Variants in ERBB4 observed in about 807,000 individuals in gnomAD.
The protein encoded by ERBB4 is receptor tyrosine-protein kinase erbB-4.
Under a neutral mutation model 158.0 loss-of-function variants are expected in ERBB4, and 42 were observed. That is an observed-to-expected ratio of 0.27 (90% CI 0.21 to 0.34). The LOEUF (loss-of-function observed/expected upper bound fraction) is 0.34, where lower values mean the gene tolerates loss of function less well. ERBB4 is among the 10% of genes least tolerant of loss of function. The pLI, the probability that ERBB4 is intolerant of heterozygous loss-of-function variation, is 1.00. For synonymous variants in ERBB4, 583 were observed against 558.7 expected (o/e 1.04, Z -0.61); for missense variants, 1,333 against 1,624.1 (o/e 0.82, Z 3.08).
At chr2:212,444,356 G>A (rs1345089113) in intron 1 of ERBB4, among the ~76,000 whole-genome samples, 1 of 152,180 alleles carries the variant, frequency 6.6e-6, no homozygotes, top group Non-Finnish European at 1.5e-5. Flanking sequence ...CATGGGAGGA[G>A]AAATGGCCAG....
At chr2:211,831,234 GTGGCTAC>G (rs2077212115) in intron 3 of ERBB4, among the ~76,000 whole-genome samples, 1 of 152,114 alleles carries the variant, frequency 6.6e-6, no homozygotes, top group African/African-American at 2.4e-5. Flanking sequence ...TCAGAGTTAA[GTGGCTAC>G]TGGGACAACA....
chr2:212,491,913 CTGTCA>C (rs565220942), intron 1 of ERBB4, among the ~76,000 whole-genome samples: 17 of 151,592 alleles, frequency 1.1e-4, no homozygotes, highest in African/African-American at 3.6e-4. Flanking sequence ...AATACCCTCC[CTGTCA>C]TAAGAACAGA....
chr2:211,395,757 A>AGG (rs921018438), intron 25 of ERBB4, among the ~76,000 whole-genome samples: 24 of 152,090 alleles, frequency 1.6e-4, no homozygotes, highest in Admixed American at 1.3e-4. Context: ...TCTACAAAAC[A>AGG]GGTTGCCCTT....
At chr2:211,511,928 G>T (rs2065894314) in intron 20 of ERBB4, among the ~76,000 whole-genome samples, 1 of 152,012 alleles carries the variant, frequency 6.6e-6, no homozygotes, top group Non-Finnish European at 1.5e-5. Flanking sequence ...GAACAATAAG[G>T]TCTAAATTCC....
At chr2:211,651,055 G>C (rs1432364940) in intron 16 of ERBB4, among the ~76,000 whole-genome samples, 1 of 152,070 alleles carries the variant, frequency 6.6e-6, no homozygotes, top group African/African-American at 2.4e-5. Flanking sequence ...ATTAACCAGG[G>C]AGTACTTTAA....
At chr2:212,037,960 A>G (rs1316134669) in intron 2 of ERBB4, among the ~76,000 whole-genome samples, 1 of 152,178 alleles carries the variant, frequency 6.6e-6, no homozygotes, top group Non-Finnish European at 1.5e-5. Flanking sequence ...TGAAAAAATT[A>G]GCCGTTGTAT....
chr2:211,420,488 T>A lies in ERBB4; in HGVS notation c.3088A>T (p.Ile1030Phe), dbSNP rs1197412002. 2 of 1,612,714 alleles carry A rather than the reference T, an allele frequency of 1.2e-6. No homozygotes were observed. The highest frequency in any genetic ancestry group is 1.7e-6 in the Non-Finnish European group (2 of 1,179,124). ...CTGGAAGTATAGATGGGAGGTGGGA[T>A]GTTGAAAGCCTGAGGGACCAAGTAC... ...EEYLVPQAFN[I>F]PPPIYTSRAR... Residue 1030 changes from isoleucine (I) to phenylalanine (F), a missense_variant, in exon 25 of 28, where the codon ATC becomes TTC. Coordinates refer to ENST00000342788, the MANE Select transcript of ERBB4 (RefSeq NM_005235.3).
At chr2:211,996,850 T>A (rs1359022255) in intron 2 of ERBB4, among the ~76,000 whole-genome samples, 1 of 152,160 alleles carries the variant, frequency 6.6e-6, no homozygotes, top group Non-Finnish European at 1.5e-5. Flanking sequence ...TTTTAATCAG[T>A]CACTACATGA....
intron 3 of ERBB4, among the ~76,000 whole-genome samples, chr2:211,910,572 T>C (rs951200377): frequency 6.6e-6 from 1 of 151,778 alleles, no homozygotes; most frequent in Non-Finnish European, 1.5e-5. Flanking sequence ...TGGGGTCTTT[T>C]GCAGGGTGGA....
intron 3 of ERBB4, among the ~76,000 whole-genome samples, chr2:211,802,971 GATA>G: frequency 6.6e-6 from 1 of 152,214 alleles, no homozygotes; most frequent in East Asian, 1.9e-4. Context: ...TTACAGCTAG[GATA>G]ATAAGATGCG....
At chr2:211,963,004 T>C (rs1041994787) in intron 2 of ERBB4, among the ~76,000 whole-genome samples, 1 of 152,284 alleles carries the variant, frequency 6.6e-6, no homozygotes. Context: ...TACATGTACC[T>C]AATATGTTTT....
chr2:212,460,235 C>A (rs1234700829), intron 1 of ERBB4, among the ~76,000 whole-genome samples: 1 of 152,084 alleles, frequency 6.6e-6, no homozygotes, highest in East Asian at 1.9e-4. Flanking sequence ...TCAGGTATGT[C>A]TTTATTAGCA....
intron 1 of ERBB4, among the ~76,000 whole-genome samples, chr2:212,370,218 A>C (rs1369935991): frequency 6.6e-6 from 1 of 152,080 alleles, no homozygotes; most frequent in African/African-American, 2.4e-5. Context: ...TTCCCCCTTC[A>C]CTCAGAATTC....
chr2:211,434,496 C>T lies in ERBB4; in HGVS notation c.2488-3396G>A, dbSNP rs189052492. Among the ~76,000 whole-genome samples, 479 of 152,264 alleles carry T rather than the reference C, an allele frequency of 3.1e-3. 1 individual carries two copies. The highest frequency in any genetic ancestry group is 4.0e-3 in the Non-Finnish European group (275 of 68,030). ...CAACTAGACACTAAATTTTCTTGCACCATTATCTGGGACTTCCCAGTCTCC... is the reference window on the plus strand; with the variant it reads ...CAACTAGACACTAAATTTTCTTGCATCATTATCTGGGACTTCCCAGTCTCC... On this transcript the variant is annotated intron_variant, in intron 20 of 27. Transcript: ENST00000342788.
At chr2:212,398,102 A>ATGTG (rs143581724) in intron 1 of ERBB4, among the ~76,000 whole-genome samples, 6 of 149,680 alleles carry the variant, frequency 4.0e-5, no homozygotes, top group Non-Finnish European at 8.9e-5. Context: ...ATACATATAT[A>ATGTG]TGTGTGTGTG....
At chr2:211,478,526 G>T (rs2065010832) in intron 20 of ERBB4, among the ~76,000 whole-genome samples, 1 of 152,070 alleles carries the variant, frequency 6.6e-6, no homozygotes, top group South Asian at 2.1e-4. Flanking sequence ...CAGAAGTAAA[G>T]TCATTTCCCT....
intron 3 of ERBB4, among the ~76,000 whole-genome samples, chr2:211,946,315 T>C (rs2080688819): frequency 6.6e-6 from 1 of 152,064 alleles, no homozygotes; most frequent in Admixed American, 6.6e-5. Flanking sequence ...AGAAATTTAA[T>C]ATCCACTTCA....
At chr2:211,890,378 C>T (rs2078930531) in intron 3 of ERBB4, among the ~76,000 whole-genome samples, 1 of 145,916 alleles carries the variant, frequency 6.9e-6, no homozygotes, top group African/African-American at 2.6e-5. Context: ...CACCACTAGG[C>T]CTGCCCTAAA....
At chr2:211,846,720 A>C (rs752625000) in intron 3 of ERBB4, among the ~76,000 whole-genome samples, 7 of 152,238 alleles carry the variant, frequency 4.6e-5, no homozygotes, top group African/African-American at 1.7e-4. Context: ...AAAAATGTCA[A>C]CAATTTGAAC....
Sources: gnomAD v4.1 joint callset for allele counts (sites outside exome capture counted in the v4.1 genomes callset) on GRCh38, gnomAD v4.1.1 for gene constraint, MANE v1.5 for transcripts, NCBI Gene and HGNC (gene_info 2026-07-23, HGNC 2026-07-21) for gene names.